Variants in POLR2D observed in about 807,000 individuals in gnomAD.
POLR2D encodes the protein RNA polymerase II subunit D, also known as DNA-directed RNA polymerase II subunit RPB4.
A neutral mutation model predicts 17.6 loss-of-function variants in POLR2D; 10 were observed. The observed-to-expected ratio is 0.57, with a 90% CI of 0.35 to 0.96. The LOEUF (loss-of-function observed/expected upper bound fraction) is 0.96. Ranked by LOEUF, POLR2D falls within the 40% of genes least tolerant of loss-of-function variation. The pLI, the probability that POLR2D is intolerant of heterozygous loss-of-function variation, is 0.02. For missense variants in POLR2D, 126 were observed against 176.4 expected (o/e 0.71, Z 1.62); for synonymous variants, 52 against 60.2 (o/e 0.86, Z 0.63).
intron 1 of POLR2D, among the ~76,000 whole-genome samples, chr2:127,855,618 G>A (rs1332199976): frequency 1.3e-5 from 2 of 152,188 alleles, no homozygotes; most frequent in Non-Finnish European, 2.9e-5. Context: ...GCCTAGGAAA[G>A]TGGTGTCTGA....
Position 127,850,628 on chromosome 2 carries a change from G to T in POLR2D, c.312C>A (p.Cys104Ter). ...CCTTGGACTCCTCAGCAGTCTCTGG[G>T]CAAAGGTTGGCCAAACAGGCCAACT... ...KFELACLANL[C>*]PETAEESKAL... Residue 104 changes from cysteine to a stop codon, truncating the protein, a stop_gained, in exon 3 of 4, where the codon TGC (cysteine) becomes TGA (stop). Transcript: ENST00000272645. LOFTEE classifies it high-confidence loss of function. 1 of 1,593,442 alleles carries T rather than the reference G, an allele frequency of 6.3e-7. No homozygotes were observed. The highest frequency in any genetic ancestry group is 8.6e-7 in the Non-Finnish European group (1 of 1,167,428).
rs375926984 is a variant in POLR2D at position 127,858,004 on chromosome 2, G to C, written c.73+24C>G. 1.2e-4 allele frequency: 190 copies of C among 1,576,502 alleles called. 1 individual carries two copies. The African/African-American group carries it at 1.9e-3, about 16-fold the overall frequency. ...GGCGACCACGCGAAGTGGCGCGGGG[G>C]AGTCTGGCAGCCCCGAGCCCAACCT... On this transcript the variant is annotated intron_variant, in intron 1 of 3. Coordinates refer to ENST00000272645, the MANE Select transcript of POLR2D (RefSeq NM_004805.4).
In POLR2D at chr2:127,848,205, A is replaced by C. The variant is rs369694041; in HGVS notation, c.351-20T>G. The C allele has an allele frequency of 3.2e-6, 5 of 1,575,706 alleles. No homozygotes were observed. Among genetic ancestry groups the C allele is most frequent in the Non-Finnish European group, 4.4e-6 (5 of 1,149,168 alleles). ...TCCAAGCTACAAGAAAATGAAAAGA[A>C]ATGAGTGATTTGGCGACTGGCAATT... On this transcript the variant is annotated intron_variant, in intron 3 of 3. Coordinates refer to ENST00000272645, the MANE Select transcript of POLR2D (RefSeq NM_004805.4).
At chr2:127,851,883 C>T (rs888856720) in intron 2 of POLR2D, among the ~76,000 whole-genome samples, 18 of 152,306 alleles carry the variant, frequency 1.2e-4, no homozygotes, top group Admixed American at 3.9e-4. Flanking sequence ...CTCCCTCTCC[C>T]GGGTTCAAGC....
intron 2 of POLR2D, 30 bp from the exon 3 acceptor site, chr2:127,850,715 A>T: frequency 9.2e-7 from 1 of 1,091,766 alleles, no homozygotes; most frequent in Admixed American, 2.1e-5. Flanking sequence ...AAAAATCAAA[A>T]TAATCAAAAA....
At chr2:127,851,973 T>TAG (rs1690259520) in intron 2 of POLR2D, among the ~76,000 whole-genome samples, 1 of 152,144 alleles carries the variant, frequency 6.6e-6, no homozygotes, top group African/African-American at 2.4e-5. Flanking sequence ...GTATTTTTAG[T>TAG]AGACGAGATT....
intron 1 of POLR2D, 157 bp downstream of exon 1, chr2:127,857,871 G>GTCCCTCCCAAGGCCATGT: frequency 1.5e-6 from 2 of 1,344,836 alleles, no homozygotes; most frequent in African/African-American, 3.1e-5. Flanking sequence ...CAAGGCCATG[G>GTCCCTCCCAAGGCCATGT]TCCCTCCCAA....
Position 127,845,033 on chromosome 2 carries a change from T to C in POLR2D, c.*3074A>G, listed in dbSNP as rs1690128384. The C allele has an allele frequency of 6.6e-6, 1 of 152,196 alleles. No individual in the cohort carries two copies. Among genetic ancestry groups the C allele is most frequent in the African/African-American group, 2.4e-5 (1 of 41,450 alleles). 9.4% of individuals were successfully genotyped at this position (152,196 alleles called of 1,614,324 possible). A position where few individuals can be genotyped will look rare whatever the true frequency, so the allele number is the denominator to read the frequency against. On this transcript the variant is annotated 3_prime_UTR_variant, in exon 4 of 4. Transcript: ENST00000272645. ...TGCCTAACTATGTGCCAGAGCATTATATACTTCAGTATTCTCAGGTAGCTC... is the reference window on the plus strand; with the variant it reads ...TGCCTAACTATGTGCCAGAGCATTACATACTTCAGTATTCTCAGGTAGCTC...
At chr2:127,853,651 T>G (rs1690285069) in intron 1 of POLR2D, among the ~76,000 whole-genome samples, 1 of 152,046 alleles carries the variant, frequency 6.6e-6, no homozygotes, top group African/African-American at 2.4e-5. Context: ...CTCCCTGAGC[T>G]CAGGTGATGC....
rs971039440 is a variant in POLR2D, at chr2:127,858,129, G to A, written c.-29C>T. 4.2e-6 allele frequency: 6 copies of A among 1,432,864 alleles called. No individual in the cohort carries two copies. The highest frequency in any genetic ancestry group is 4.6e-6 in the Non-Finnish European group (5 of 1,090,964). The allele number at this position is 1,432,864 out of a possible 1,614,324, so 88.8% of individuals were successfully genotyped here. ...CGCGCCGCGCCGCGCGCCACCACCA[G>A]CGCCGCCGGAAGCAGAAGCGCGGAG... On this transcript the variant is annotated 5_prime_UTR_variant, in exon 1 of 4. Coordinates refer to ENST00000272645, the MANE Select transcript of POLR2D (RefSeq NM_004805.4).
chr2:127,844,337 A>G lies in POLR2D; in HGVS notation c.*3770T>C, dbSNP rs1243122004. ...AGTCTAAGGTATTCTGTTACAGCGCAGGAACAAACTAAGACACTAAAACTT... is the reference window on the plus strand; with the variant it reads ...AGTCTAAGGTATTCTGTTACAGCGCGGGAACAAACTAAGACACTAAAACTT... On this transcript the variant is annotated 3_prime_UTR_variant, in exon 4 of 4. Transcript: ENST00000272645. The G allele has an allele frequency of 6.6e-6, 1 of 152,220 alleles. No homozygotes were observed. Among genetic ancestry groups the G allele is most frequent in the Admixed American group, 6.5e-5 (1 of 15,276 alleles). The allele number at this position is 152,220 out of a possible 1,614,324, so 9.4% of individuals were successfully genotyped here. A position where few individuals can be genotyped will look rare whatever the true frequency, so the allele number is the denominator to read the frequency against.
rs1330283357 is a variant in POLR2D at position 127,847,784 on chromosome 2, A to G, written c.*323T>C. The stretch of plus-strand genomic sequence containing the variant: ...CCTGAAATTAAAACATGAAATATTA[A>G]GAAAAAAGATGATGTGGAGGCCAAA... On this transcript the variant is annotated 3_prime_UTR_variant, in exon 4 of 4. Coordinates refer to ENST00000272645, the MANE Select transcript of POLR2D (RefSeq NM_004805.4). 6.5e-6 allele frequency: 2 copies of G among 306,790 alleles called. No individual in the cohort carries two copies. Among genetic ancestry groups the G allele is most frequent in the East Asian group, 1.7e-4 (2 of 11,608 alleles). 19.0% of individuals were successfully genotyped at this position (306,790 alleles called of 1,614,324 possible). A position where few individuals can be genotyped will look rare whatever the true frequency, so the allele number is the denominator to read the frequency against.
chr2:127,854,312 T>C (rs2104726117), intron 1 of POLR2D, among the ~76,000 whole-genome samples: 1 of 152,334 alleles, frequency 6.6e-6, no homozygotes, highest in South Asian at 2.1e-4. Context: ...ATGTTCCTAA[T>C]GTTTATCTCA....
intron 1 of POLR2D, chr2:127,856,913 G>C (rs1382203683): frequency 6.6e-6 from 1 of 152,046 alleles, no homozygotes; most frequent in Non-Finnish European, 1.5e-5. Flanking sequence ...GTGGGCACCT[G>C]TAATCCCAGC....
intron 3 of POLR2D, among the ~76,000 whole-genome samples, 161 bp from the exon 4 acceptor site, chr2:127,848,346 CAT>C (rs1449585528): frequency 6.6e-6 from 1 of 152,080 alleles, no homozygotes; most frequent in Non-Finnish European, 1.5e-5. Context: ...ATATTTCAAA[CAT>C]ATAAAAGATA....
Position 127,844,510 on chromosome 2 carries a change from C to A in POLR2D, c.*3597G>T, listed in dbSNP as rs1690118993. 6.6e-6 allele frequency: 1 copy of A among 152,144 alleles called. No individual in the cohort carries two copies. The highest frequency in any genetic ancestry group is 2.4e-5 in the African/African-American group (1 of 41,426). The allele number at this position is 152,144 out of a possible 1,614,324, so 9.4% of individuals were successfully genotyped here. A position where few individuals can be genotyped will look rare whatever the true frequency, so the allele number is the denominator to read the frequency against. On this transcript the variant is annotated 3_prime_UTR_variant, in exon 4 of 4. Transcript: ENST00000272645. ...CAATGTTTCACAAATTGTGCAAGGT[C>A]TCCTAATAGCTATTTTTCAATAGCA... is the stretch of plus-strand genomic sequence containing the variant.
Position 127,850,688 on chromosome 2 carries a change from A to G in POLR2D, c.255-3T>C, listed in dbSNP as rs1228536141. The G allele has an allele frequency of 9.4e-6, 13 of 1,384,772 alleles. 1 individual carries two copies. Among genetic ancestry groups the G allele is most frequent in the Non-Finnish European group, 1.3e-5 (13 of 1,016,294 alleles). 85.8% of individuals were successfully genotyped at this position (1,384,772 alleles called of 1,614,324 possible). On this transcript the variant is annotated splice_polypyrimidine_tract_variant and splice_region_variant and intron_variant, in intron 2 of 3. Coordinates refer to ENST00000272645, the MANE Select transcript of POLR2D (RefSeq NM_004805.4). ...GAAGCTTTTTCTGGAGTAGCAAGCTAATCAAAAGGAAAAAAAAAAAATCAA... is the reference window on the plus strand; with the variant it reads ...GAAGCTTTTTCTGGAGTAGCAAGCTGATCAAAAGGAAAAAAAAAAAATCAA...
intron 3 of POLR2D, 148 bp downstream of exon 3, chr2:127,850,440 CAA>C (rs60975701): frequency 0.048 from 5,136 of 107,432 alleles, 4 homozygotes; most frequent in Middle Eastern, 0.07. Flanking sequence ...AACTCCGTCT[CAA>C]AAAAAAAAAA....
rs1690182802 is a variant in POLR2D, at chr2:127,848,004, A to T, written c.*103T>A. On this transcript the variant is annotated 3_prime_UTR_variant, in exon 4 of 4. Transcript: ENST00000272645. The stretch of plus-strand genomic sequence containing the variant: ...GGCTGTTTTCTCCAAAGGAATTCTC[A>T]ACTGTCTTCAACAGAATTTCTGTGC... 1.2e-6 allele frequency: 1 copy of T among 849,572 alleles called. No homozygotes were observed. The highest frequency in any genetic ancestry group is 2.0e-6 in the Non-Finnish European group (1 of 493,914). 52.6% of individuals were successfully genotyped at this position (849,572 alleles called of 1,614,324 possible). A position where few individuals can be genotyped will look rare whatever the true frequency, so the allele number is the denominator to read the frequency against.
Sources: allele counts gnomAD v4.1 joint callset (sites outside exome capture counted in the v4.1 genomes callset), GRCh38; gene constraint gnomAD v4.1.1; transcripts MANE v1.5; gene names NCBI Gene and HGNC (gene_info 2026-07-23, HGNC 2026-07-21).